The following ESR1 variants were observed in gnomAD, a reference collection of about 807,000 sequenced individuals.
ESR1 encodes estrogen receptor 1.
In ESR1, 12 loss-of-function variants were observed where a neutral mutation model predicts 52.7. That is an observed-to-expected ratio of 0.23 (90% CI 0.15 to 0.37). The LOEUF is 0.37. Among genes scored for constraint, ESR1 ranks in the 10% least tolerant of loss-of-function variants. The pLI, the probability that ESR1 is intolerant of heterozygous loss-of-function variation, is 1.00. For missense variants in ESR1, 584 were observed against 779.7 expected, an observed-to-expected ratio of 0.75 and a Z score of 2.99; for synonymous variants, 305 against 316.8, an observed-to-expected ratio of 0.96 and a Z score of 0.39.
chr6:151,706,729 A>G (rs1339820676), intron 2 of ESR1, among the ~76,000 whole-genome samples: 4 of 152,190 alleles, frequency 2.6e-5, no homozygotes, highest in East Asian at 1.9e-4. Context: ...CACAGAACAC[A>G]TGGAGGAAGT....
chr6:152,014,136 C>G (rs1327019779), intron 5 of ESR1, among the ~76,000 whole-genome samples: 2 of 152,132 alleles, frequency 1.3e-5, no homozygotes, highest in Non-Finnish European at 1.5e-5. Context: ...TCCTTCTTCC[C>G]CATGATTGTG....
At chr6:151,663,046 G>A (rs966447220) in intron 1 of ESR1, among the ~76,000 whole-genome samples, 1 of 144,512 alleles carries the variant, frequency 6.9e-6, no homozygotes, top group Admixed American at 7.2e-5. Flanking sequence ...GTTAAATGGA[G>A]GGCTTGAGCT....
intron 2 of ESR1, among the ~76,000 whole-genome samples, chr6:151,776,256 G>A (rs1785981941): frequency 6.6e-6 from 1 of 152,136 alleles, no homozygotes; most frequent in African/African-American, 2.4e-5. Context: ...GCTCGAGTCC[G>A]AAACCACAGG....
At chr6:151,771,839 A>T (rs1785543630) in intron 2 of ESR1, among the ~76,000 whole-genome samples, 3 of 151,660 alleles carry the variant, frequency 2.0e-5, no homozygotes, top group South Asian at 2.1e-4. Context: ...TTTTGTAATT[A>T]AAAAAAACAA....
intron 4 of ESR1, among the ~76,000 whole-genome samples, chr6:151,951,599 G>A (rs2036330536): frequency 6.6e-6 from 1 of 152,150 alleles, no homozygotes; most frequent in African/African-American, 2.4e-5. Context: ...GACCAGTACT[G>A]ATAAGAGGTA....
chr6:152,051,941 C>T (rs771426133), intron 5 of ESR1, among the ~76,000 whole-genome samples: 1 of 152,100 alleles, frequency 6.6e-6, no homozygotes, highest in African/African-American at 2.4e-5. Context: ...GGGCCGTGGT[C>T]GGGGCTTGTG....
intron 6 of ESR1, among the ~76,000 whole-genome samples, chr6:152,124,309 A>T (rs1262130828): frequency 7.0e-6 from 1 of 142,586 alleles, no homozygotes; most frequent in Non-Finnish European, 1.5e-5. Flanking sequence ...ACTCTATCTC[A>T]AAAACAGATA....
At chr6:151,777,851 G>T (rs943080650) in intron 2 of ESR1, among the ~76,000 whole-genome samples, 1 of 152,014 alleles carries the variant, frequency 6.6e-6, no homozygotes. Flanking sequence ...CCCCAGCTAC[G>T]TGGGAGGCTG....
At chr6:151,680,204 C>CTTT (rs35600661) in intron 1 of ESR1, among the ~76,000 whole-genome samples, 12 of 126,818 alleles carry the variant, frequency 9.5e-5, no homozygotes, top group East Asian at 2.3e-4. Flanking sequence ...TTTCTTTTCT[C>CTTT]TTTTTTTTTT....
chr6:152,060,489 A>G (rs905119770), intron 5 of ESR1, among the ~76,000 whole-genome samples: 5 of 152,194 alleles, frequency 3.3e-5, no homozygotes, highest in East Asian at 1.9e-4. Context: ...CAGCCCAACC[A>G]TAGCCCATAG....
At chr6:151,706,214 A>G (rs1040653115) in intron 2 of ESR1, among the ~76,000 whole-genome samples, 4 of 152,224 alleles carry the variant, frequency 2.6e-5, no homozygotes, top group Non-Finnish European at 4.4e-5. Context: ...GCCTATTTCA[A>G]TAATATATTG....
At chr6:151,929,478 A>G (rs1664673878) in intron 3 of ESR1, among the ~76,000 whole-genome samples, 2 of 152,196 alleles carry the variant, frequency 1.3e-5, no homozygotes, top group Admixed American at 1.3e-4. Flanking sequence ...CATTATTACT[A>G]GGATAAATAC....
At chr6:151,789,185 G>A (rs147047936) in intron 2 of ESR1, among the ~76,000 whole-genome samples, 323 of 152,260 alleles carry the variant, frequency 2.1e-3, no homozygotes, top group Middle Eastern at 0.01. Context: ...ACAATTAGTG[G>A]GAATGTAAAT....
At chr6:151,949,296 G>A (rs2036066808) in intron 4 of ESR1, among the ~76,000 whole-genome samples, 1 of 152,172 alleles carries the variant, frequency 6.6e-6, no homozygotes, top group African/African-American at 2.4e-5. Flanking sequence ...GAGGGTTCCC[G>A]GAGAAGGTGT....
chr6:151,909,892 C>T (rs1355386386), intron 3 of ESR1, among the ~76,000 whole-genome samples: 1 of 152,016 alleles, frequency 6.6e-6, no homozygotes, highest in Non-Finnish European at 1.5e-5. Flanking sequence ...TGTTGACATA[C>T]CTGGCTTGGG....
At chr6:152,039,810 C>G (rs932349852) in intron 5 of ESR1, among the ~76,000 whole-genome samples, 2 of 152,202 alleles carry the variant, frequency 1.3e-5, no homozygotes, top group African/African-American at 2.4e-5. Flanking sequence ...TTCCACCGTT[C>G]TATCAATCCG....
chr6:151,771,033 G>A (rs561345482), intron 2 of ESR1, among the ~76,000 whole-genome samples: 5 of 152,318 alleles, frequency 3.3e-5, no homozygotes, highest in African/African-American at 9.6e-5. Flanking sequence ...CAGCATGGTG[G>A]ATTACAGTAG....
At chr6:151,698,090 T>A (rs190213973) in intron 1 of ESR1, among the ~76,000 whole-genome samples, 1 of 151,570 alleles carries the variant, frequency 6.6e-6, no homozygotes, top group Admixed American at 6.6e-5. Context: ...GAACATTTAA[T>A]GCTGGTGGCT....
intron 2 of ESR1, among the ~76,000 whole-genome samples, chr6:151,851,413 T>G (rs912342900): frequency 6.6e-6 from 1 of 152,164 alleles, no homozygotes; most frequent in Admixed American, 6.6e-5. Flanking sequence ...GGGCCCAATA[T>G]TCTCAGAGTC....
Sources: allele counts gnomAD v4.1 joint callset (sites outside exome capture counted in the v4.1 genomes callset), GRCh38; gene constraint gnomAD v4.1.1; transcripts MANE v1.5; gene names NCBI Gene and HGNC (gene_info 2026-07-23, HGNC 2026-07-21).